The following ARHGAP21 variants were observed in gnomAD, a reference collection of about 807,000 sequenced individuals.
The protein encoded by ARHGAP21 is Rho GTPase activating protein 21.
ARHGAP21 carries 38 observed loss-of-function variants against 164.6 expected under a neutral mutation model. The ratio of observed to expected loss-of-function variants is 0.23; its 90% CI spans 0.18 to 0.30. The LOEUF is 0.30. Ranked by LOEUF, ARHGAP21 falls within the 10% of genes least tolerant of loss-of-function variation. The probability of loss-of-function intolerance (pLI) is 1.00; values close to 1 mark genes in which losing one functional copy is unlikely to be tolerated. For missense variants in ARHGAP21, 1,822 were observed against 2,370.7 expected, an observed-to-expected ratio of 0.77 and a Z score of 4.81; for synonymous variants, 766 against 857.9, an observed-to-expected ratio of 0.89 and a Z score of 1.87.
At chr10:24,619,243 T>C (rs1293592197) in intron 9 of ARHGAP21, among the ~76,000 whole-genome samples, 2 of 148,894 alleles carry the variant, frequency 1.3e-5, no homozygotes, top group Non-Finnish European at 3.0e-5. Context: ...AAATGGGTAC[T>C]AGGTACATGA....
At chr10:24,702,952 T>C (rs1434714385) in intron 2 of ARHGAP21, among the ~76,000 whole-genome samples, 2 of 152,162 alleles carry the variant, frequency 1.3e-5, no homozygotes, top group Non-Finnish European at 2.9e-5. Flanking sequence ...AATTTAAATG[T>C]TCAACAGATA....
In ARHGAP21 at chr10:24,619,779, C is replaced by G; in HGVS notation, c.2116G>C (p.Glu706Gln). ...TGATTCCTTTGACTGACAGGTAGTT[C>G]TAAATCTGAAGTACCAGCGTTTTCA... ...SSENAGTSDL[E>Q]LPVSQRNQDL... The change falls in exon 9 of 26, where the codon GAA becomes CAA. Residue 706 changes from glutamate (E) to glutamine (Q), a missense_variant. Coordinates refer to ENST00000396432, the MANE Select transcript of ARHGAP21 (RefSeq NM_020824.4). 6.2e-7 allele frequency: 1 copy of G among 1,614,128 alleles called. No individual in the cohort carries two copies. The highest frequency in any genetic ancestry group is 8.5e-7 in the Non-Finnish European group (1 of 1,180,032).
At chr10:24,590,542 A>C in intron 24 of ARHGAP21, 2 of 1,513,532 alleles carry the variant, frequency 1.3e-6, no homozygotes, top group Non-Finnish European at 1.8e-6. Flanking sequence ...TTTAGGACTA[A>C]AACAAGAACT....
intron 4 of ARHGAP21, among the ~76,000 whole-genome samples, chr10:24,641,029 T>C (rs1836962200): frequency 1.3e-5 from 2 of 152,162 alleles, no homozygotes; most frequent in Non-Finnish European, 1.5e-5. Flanking sequence ...AGCTGAAATG[T>C]TAAGATGACA....
intron 4 of ARHGAP21, among the ~76,000 whole-genome samples, chr10:24,647,003 T>C (rs73606535): frequency 0.025 from 3,846 of 152,332 alleles, 169 homozygotes; most frequent in African/African-American, 0.088. Flanking sequence ...TGCACTTTTC[T>C]TCTTTTTCAC....
intron 11 of ARHGAP21, among the ~76,000 whole-genome samples, chr10:24,605,326 A>T (rs539035742): frequency 6.6e-6 from 1 of 152,320 alleles, no homozygotes; most frequent in South Asian, 2.1e-4. Flanking sequence ...CAGGAGCCTC[A>T]TTTGTTACCA....
chr10:24,589,359 A>C, intron 24 of ARHGAP21, 57 bp from the exon 25 acceptor site: 1 of 1,451,682 alleles, frequency 6.9e-7, no homozygotes, highest in Non-Finnish European at 9.5e-7. Context: ...TGCTTTCCAC[A>C]AACAATGCAA....
At chr10:24,692,154 G>A (rs1317253434) in intron 2 of ARHGAP21, among the ~76,000 whole-genome samples, 1 of 152,200 alleles carries the variant, frequency 6.6e-6, no homozygotes, top group Non-Finnish European at 1.5e-5. Context: ...AGATGGAGAG[G>A]AATGGTGTTG....
chr10:24,625,299 GAAAAAAAAAA>G (rs34935501), intron 7 of ARHGAP21, among the ~76,000 whole-genome samples: 2 of 53,798 alleles, frequency 3.7e-5, no homozygotes, highest in African/African-American at 1.5e-4. Context: ...ATGAAACAGA[GAAAAAAAAAA>G]AAAAAAAAAA....
Position 24,607,583 on chromosome 10 carries a change from C to G in ARHGAP21, c.2600G>C (p.Ser867Thr). 1 of 1,614,036 alleles carries G rather than the reference C, an allele frequency of 6.2e-7. No individual in the cohort carries two copies. The highest frequency in any genetic ancestry group is 8.5e-7 in the Non-Finnish European group (1 of 1,179,968). ...SHDHESVGPPSLDAQPNSKTE... is the reference protein window; with the variant it reads ...SHDHESVGPPTLDAQPNSKTE... ...CTTTGAGTTGGGCTGAGCATCCAGG[C>G]TAGGAGGGCCAACAGATTCTGTAAT... Residue 867 changes from serine (S) to threonine (T), a missense_variant, in exon 11 of 26, where the codon AGC (serine) becomes ACC (threonine). Coordinates refer to ENST00000396432, the MANE Select transcript of ARHGAP21 (RefSeq NM_020824.4).
rs142848562 is a variant in ARHGAP21 at position 24,638,236 on chromosome 10, TAGAG to T, written c.269-3137_269-3134del. On this transcript the variant is annotated intron_variant, in intron 4 of 25. Coordinates refer to ENST00000396432, the MANE Select transcript of ARHGAP21 (RefSeq NM_020824.4). ...TACCTAGATATCATCCAATTCCTCC[TAGAG>T]AGAGAAAAACATTTCCTGTAAATAT... Among the ~76,000 whole-genome samples, 994 of 152,210 alleles carry T rather than the reference TAGAG, an allele frequency of 6.5e-3. 8 individuals carry two copies. Among genetic ancestry groups the T allele is most frequent in the African/African-American group, 0.023 (958 of 41,532 alleles).
At chr10:24,658,787 C>T (rs373460346) in intron 4 of ARHGAP21, among the ~76,000 whole-genome samples, 14 of 124,884 alleles carry the variant, frequency 1.1e-4, no homozygotes, top group African/African-American at 4.3e-4. Context: ...TGTAAAAAAC[C>T]TGCACATTGT....
chr10:24,591,045 AGAGTCACTGGAAGAT>A (rs1309307973), intron 24 of ARHGAP21, 165 bp downstream of exon 24: 2 of 564,034 alleles, frequency 3.5e-6, no homozygotes, highest in Non-Finnish European at 4.5e-6. Context: ...CAATGGCATT[AGAGTCACTGGAAGAT>A]AATTCAGATC....
intron 8 of ARHGAP21, 110 bp downstream of exon 8, chr10:24,622,623 A>G: frequency 2.6e-6 from 3 of 1,132,662 alleles, no homozygotes; most frequent in Non-Finnish European, 3.7e-6. Flanking sequence ...TTAACACGAT[A>G]GAGGGATTTC....
chr10:24,711,357 C>CA lies in ARHGAP21; in HGVS notation c.63+10479dup, dbSNP rs1844799514. Among the ~76,000 whole-genome samples, 4 of 149,224 alleles carry CA rather than the reference C, an allele frequency of 2.7e-5. No individual in the cohort carries two copies. In the South Asian group the frequency reaches 6.4e-4, roughly 24 times the overall value. ...GAACCACTAAACGAAAAGTTCATAC[C>CA]AAAAAAGAAAAAAAAAAACTCAGAG... is the stretch of plus-strand genomic sequence containing the variant. On this transcript the variant is annotated intron_variant, in intron 2 of 25. Transcript: ENST00000396432.
At chr10:24,673,089 G>A (rs1840869774) in intron 2 of ARHGAP21, among the ~76,000 whole-genome samples, 1 of 152,170 alleles carries the variant, frequency 6.6e-6, no homozygotes, top group Admixed American at 6.5e-5. Context: ...TGATTTAGAA[G>A]ACGCAGTACT....
At chr10:24,681,576 T>C (rs1277493628) in intron 2 of ARHGAP21, among the ~76,000 whole-genome samples, 4 of 152,322 alleles carry the variant, frequency 2.6e-5, no homozygotes, top group South Asian at 2.1e-4. Flanking sequence ...ATAACTGGTA[T>C]TGATTCCATC....
intron 7 of ARHGAP21, chr10:24,629,269 C>T (rs939847473): frequency 7.9e-5 from 12 of 151,620 alleles, no homozygotes; most frequent in African/African-American, 2.9e-4. Context: ...TCCCAAAGTG[C>T]TGGGATTACA....
chr10:24,597,331 T>G, intron 16 of ARHGAP21, 116 bp downstream of exon 16: 2 of 1,324,930 alleles, frequency 1.5e-6, no homozygotes, highest in Non-Finnish European at 2.0e-6. Context: ...ACTATGAATT[T>G]TGAGCTAGTT....
Sources: gnomAD v4.1 joint callset for allele counts (sites outside exome capture counted in the v4.1 genomes callset) on GRCh38, gnomAD v4.1.1 for gene constraint, MANE v1.5 for transcripts, NCBI Gene and HGNC (gene_info 2026-07-23, HGNC 2026-07-21) for gene names.